The following MIPEP variants were observed in gnomAD, a reference collection of about 807,000 sequenced individuals.
MIPEP encodes mitochondrial intermediate peptidase.
A neutral mutation model predicts 90.3 loss-of-function variants in MIPEP; 79 were observed. The ratio of observed to expected loss-of-function variants is 0.87; its 90% CI spans 0.73 to 1.05. The LOEUF (loss-of-function observed/expected upper bound fraction) is 1.05, where lower values mean the gene tolerates loss of function less well. MIPEP is among the 50% of genes least tolerant of loss of function. MIPEP has a pLI of 0.00. For synonymous variants in MIPEP, 334 were observed against 315.8 expected (o/e 1.06, Z -0.61); for missense variants, 940 against 905.6 (o/e 1.04, Z -0.49).
intron 14 of MIPEP, among the ~76,000 whole-genome samples, chr13:23,827,227 G>A (rs1325646823): frequency 6.6e-6 from 1 of 152,120 alleles, no homozygotes; most frequent in East Asian, 1.9e-4. Flanking sequence ...AGAAAAAAAT[G>A]AGAAAACAGA....
chr13:23,808,420 C>G (rs1333068682), intron 15 of MIPEP, among the ~76,000 whole-genome samples: 1 of 152,074 alleles, frequency 6.6e-6, no homozygotes, highest in Non-Finnish European at 1.5e-5. Flanking sequence ...GTTTATGTCC[C>G]CATAGAAAGT....
chr13:23,757,516 G>A (rs1240955824), intron 17 of MIPEP, among the ~76,000 whole-genome samples: 1 of 152,118 alleles, frequency 6.6e-6, no homozygotes, highest in Non-Finnish European at 1.5e-5. Flanking sequence ...ATACCATTAA[G>A]AAATAATTTG....
chr13:23,886,246 T>G, intron 2 of MIPEP, 87 bp downstream of exon 2: 1 of 1,061,828 alleles, frequency 9.4e-7, no homozygotes, highest in Non-Finnish European at 1.2e-6. Flanking sequence ...AATCTAATAT[T>G]AATAGTAAAC....
chr13:23,809,819 G>A (rs762859120), intron 15 of MIPEP, 31 bp downstream of exon 15: 10 of 1,446,886 alleles, frequency 6.9e-6, no homozygotes, highest in East Asian at 2.3e-5. Flanking sequence ...TAATGACTCC[G>A]GAAAACTTCA....
chr13:23,758,896 C>G (rs1317646107), intron 17 of MIPEP, among the ~76,000 whole-genome samples: 1 of 152,146 alleles, frequency 6.6e-6, no homozygotes, highest in East Asian at 1.9e-4. Context: ...ATGGTGAAGT[C>G]TGAACAAACT....
chr13:23,876,049 T>C (rs1480325024), intron 4 of MIPEP, among the ~76,000 whole-genome samples: 2 of 152,212 alleles, frequency 1.3e-5, no homozygotes, highest in African/African-American at 2.4e-5. Flanking sequence ...TAAAAATCCT[T>C]GTTACAGTTT....
intron 16 of MIPEP, among the ~76,000 whole-genome samples, chr13:23,766,935 G>A (rs753177201): frequency 9.9e-5 from 15 of 152,140 alleles, no homozygotes; most frequent in South Asian, 2.1e-4. Flanking sequence ...TCTCCATCTC[G>A]CTAGCAAGCT....
At chr13:23,831,393 A>AGGG (rs1868753567) in intron 14 of MIPEP, among the ~76,000 whole-genome samples, 1 of 74,124 alleles carries the variant, frequency 1.3e-5, no homozygotes, top group African/African-American at 6.4e-5. Context: ...CGGGGGGGGG[A>AGGG]TGTGGATGGG....
chr13:23,844,394 A>G (rs1869442753), intron 10 of MIPEP, among the ~76,000 whole-genome samples: 1 of 152,204 alleles, frequency 6.6e-6, no homozygotes, highest in Admixed American at 6.5e-5. Context: ...AGGAAGCTGA[A>G]CAAGCTGAAA....
chr13:23,835,628 C>T (rs1793576776), intron 14 of MIPEP, among the ~76,000 whole-genome samples: 1 of 152,170 alleles, frequency 6.6e-6, no homozygotes, highest in African/African-American at 2.4e-5. Context: ...GGAAAGAACG[C>T]ATCTTCCAAT....
At chr13:23,784,427 C>T (rs983064757) in intron 16 of MIPEP, among the ~76,000 whole-genome samples, 4 of 152,178 alleles carry the variant, frequency 2.6e-5, no homozygotes, top group African/African-American at 7.2e-5. Context: ...GGAAAACTGG[C>T]TAGCCATATG....
At chr13:23,888,787 G>C in intron 1 of MIPEP, 1 of 1,049,286 alleles carries the variant, frequency 9.5e-7, no homozygotes, top group Non-Finnish European at 1.2e-6. Context: ...GGAGCTAAAG[G>C]GCTTTAGCAG....
At chr13:23,732,874 T>C (rs1206273284) in intron 18 of MIPEP, among the ~76,000 whole-genome samples, 1 of 152,206 alleles carries the variant, frequency 6.6e-6, no homozygotes, top group African/African-American at 2.4e-5. Flanking sequence ...CAAAATTCAT[T>C]GAAAGGTACA....
chr13:23,736,150 CA>C (rs1952261475), intron 18 of MIPEP, among the ~76,000 whole-genome samples: 1 of 152,140 alleles, frequency 6.6e-6, no homozygotes. Context: ...ATGGAGTTAA[CA>C]AACACATTTC....
At chr13:23,848,857 CTTCCTGAAGAA>C (rs1482294758) in intron 10 of MIPEP, among the ~76,000 whole-genome samples, 2 of 152,178 alleles carry the variant, frequency 1.3e-5, no homozygotes, top group African/African-American at 4.8e-5. Flanking sequence ...AGGCTACTTC[CTTCCTGAAGAA>C]AAGCCAGAAG....
rs564494618 is a variant in MIPEP at position 23,852,513 on chromosome 13, T to TTTC, written c.1106+6346_1106+6347insGAA. On this transcript the variant is annotated intron_variant, in intron 10 of 18. Coordinates refer to ENST00000382172, the MANE Select transcript of MIPEP (RefSeq NM_005932.4). ...TGATAATGGAACTGAAAAATTTCTA[T>TTTC]CACCTAGTAACATTGTAGCTGTCAT... is the stretch of plus-strand genomic sequence containing the variant. Among the ~76,000 whole-genome samples, 629 of 152,296 alleles carry TTTC rather than the reference T, an allele frequency of 4.1e-3. 3 individuals carry two copies. Among genetic ancestry groups the TTTC allele is most frequent in the African/African-American group, 0.015 (614 of 41,558 alleles).
At chr13:23,827,339 T>TA (rs1437922281) in intron 14 of MIPEP, among the ~76,000 whole-genome samples, 1 of 152,190 alleles carries the variant, frequency 6.6e-6, no homozygotes, top group Admixed American at 6.5e-5. Flanking sequence ...CTCAAATTGA[T>TA]AAATGTCTAG....
rs80118926 is a variant in MIPEP at position 23,850,209 on chromosome 13, C to T, written c.1106+8651G>A. ...TTAACTTTATCAAAAGCAAATGAAA[C>T]TGTATTTTTGGCATCAGGAATGACT... On this transcript the variant is annotated intron_variant, in intron 10 of 18. Coordinates refer to ENST00000382172, the MANE Select transcript of MIPEP (RefSeq NM_005932.4). Among the ~76,000 whole-genome samples the T allele has an allele frequency of 0.026, 3,989 of 152,290 alleles. 415 individuals are homozygous for T. In the East Asian group the frequency reaches 0.35, roughly 13 times the overall value.
chr13:23,798,530 G>C (rs532179461), intron 16 of MIPEP, among the ~76,000 whole-genome samples: 1 of 152,126 alleles, frequency 6.6e-6, no homozygotes, highest in South Asian at 2.1e-4. Context: ...TAAATCCCCC[G>C]ATATAGTCTA....
Sources: allele counts gnomAD v4.1 joint callset (sites outside exome capture counted in the v4.1 genomes callset), GRCh38; gene constraint gnomAD v4.1.1; transcripts MANE v1.5; gene names NCBI Gene and HGNC (gene_info 2026-07-23, HGNC 2026-07-21).